IL6: variants seen among roughly 807,000 people sequenced by gnomAD.
The protein encoded by IL6 is interleukin 6, also known as interleukin-6.
Under a neutral mutation model 18.0 loss-of-function variants are expected in IL6, and 5 were observed. The observed-to-expected ratio is 0.28, with a 90% CI of 0.15 to 0.58. The LOEUF (loss-of-function observed/expected upper bound fraction) is 0.58, where lower values mean the gene tolerates loss of function less well. Among genes scored for constraint, IL6 ranks in the 20% least tolerant of loss-of-function variants. IL6 has a pLI of 0.90. For missense variants in IL6, 266 were observed against 251.0 expected (o/e 1.06, Z -0.40); for synonymous variants, 97 against 95.1 (o/e 1.02, Z -0.12).
intron 2 of IL6, among the ~76,000 whole-genome samples, chr7:22,728,173 A>T (rs1478725805): frequency 6.6e-6 from 1 of 152,172 alleles, no homozygotes; most frequent in Non-Finnish European, 1.5e-5. Flanking sequence ...TGGTAGAAAG[A>T]AAAGAACACA....
chr7:22,727,604 C>G lies in IL6; in HGVS notation c.180C>G (p.Ile60Met). The change falls in exon 2 of 5, where the codon ATC becomes ATG. Residue 60 changes from isoleucine to methionine, a missense_variant. Coordinates refer to ENST00000258743, the MANE Select transcript of IL6 (RefSeq NM_000600.5). Reference protein sequence around the residue: ...SERIDKQIRYILDGISALRKE... With the variant: ...SERIDKQIRYMLDGISALRKE... ...GAATTGACAAACAAATTCGGTACAT[C>G]CTCGACGGCATCTCAGCCCTGAGAA... The G allele has an allele frequency of 6.4e-7, 1 of 1,567,444 alleles. No homozygotes were observed. The highest frequency in any genetic ancestry group is 8.6e-7 in the Non-Finnish European group (1 of 1,157,474).
At position 22,727,517 on chromosome 7, in the gene IL6, C is replaced by A. The variant is rs1376742674; in HGVS notation, c.93C>A (p.Pro31=). Reference sequence around the variant, plus strand: ...CTGCTGCCTTCCCTGCCCCAGTACCCCCAGGAGAAGATTCCAAAGATGTAG... The same window carrying A: ...CTGCTGCCTTCCCTGCCCCAGTACCACCAGGAGAAGATTCCAAAGATGTAG... ...VLPAAFPAPV[P]PGEDSKDVAA... Residue 31 remains proline (P), a synonymous_variant, in exon 2 of 5, where the codon CCC becomes CCA. Transcript: ENST00000258743. 3 of 1,613,968 alleles carry A rather than the reference C, an allele frequency of 1.9e-6. No homozygotes were observed. The highest frequency in any genetic ancestry group is 1.6e-4 in the Middle Eastern group (1 of 6,062).
At chr7:22,727,393 C>T in intron 1 of IL6, 51 bp from the exon 2 acceptor site, 1 of 1,613,164 alleles carries the variant, frequency 6.2e-7, no homozygotes, top group Non-Finnish European at 8.5e-7. Context: ...CAGAGGCAGG[C>T]TCCCAGCTGT....
intron 3 of IL6, 76 bp downstream of exon 3, chr7:22,728,882 A>G: frequency 4.9e-6 from 4 of 813,160 alleles, no homozygotes; most frequent in East Asian, 5.2e-5. Flanking sequence ...GCCTGTATAC[A>G]TATAGATCCA....
chr7:22,731,506 C>G lies in IL6; in HGVS notation c.572C>G (p.Thr191Ser). ...AQNQWLQDMT[T>S]HLILRSFKEF... ...AACCAGTGGCTGCAGGACATGACAA[C>G]TCATCTCATTCTGCGCAGCTTTAAG... Residue 191 changes from threonine to serine, a missense_variant, in exon 5 of 5, where the codon ACT becomes AGT. Coordinates refer to ENST00000258743, the MANE Select transcript of IL6 (RefSeq NM_000600.5). The G allele has an allele frequency of 6.2e-7, 1 of 1,610,778 alleles. No individual in the cohort carries two copies. The highest frequency in any genetic ancestry group is 8.5e-7 in the Non-Finnish European group (1 of 1,177,490).
chr7:22,727,537 A>T lies in IL6; in HGVS notation c.113A>T (p.Asp38Val). Reference protein sequence around the residue: ...APVPPGEDSKDVAAPHRQPLT... With the variant: ...APVPPGEDSKVVAAPHRQPLT... ...GTACCCCCAGGAGAAGATTCCAAAG[A>T]TGTAGCCGCCCCACACAGACAGCCA... Residue 38 changes from aspartate (D) to valine (V), a missense_variant, in exon 2 of 5, where the codon GAT becomes GTT. Transcript: ENST00000258743. The T allele has an allele frequency of 6.2e-7, 1 of 1,613,354 alleles. No homozygotes were observed.
At position 22,729,678 on chromosome 7, in the gene IL6, C is replaced by T. The variant is rs201024011; in HGVS notation, c.471+18C>T. Reference sequence around the variant, plus strand: ...AGAAAAAGGTGGGTGTGTCCTCATTCCCTCAACTTGGTGTGGGGGAAGACA... The same window carrying T: ...AGAAAAAGGTGGGTGTGTCCTCATTTCCTCAACTTGGTGTGGGGGAAGACA... On this transcript the variant is annotated intron_variant, in intron 4 of 4. Transcript: ENST00000258743. The T allele has an allele frequency of 1.2e-4, 200 of 1,614,156 alleles. No homozygotes were observed. Among genetic ancestry groups the T allele is most frequent in the Non-Finnish European group, 1.6e-4 (188 of 1,180,026 alleles).
At chr7:22,731,353 C>A (rs1200574500) in intron 4 of IL6, 53 bp from the exon 5 acceptor site, 1 of 1,401,354 alleles carries the variant, frequency 7.1e-7, no homozygotes, top group Non-Finnish European at 9.7e-7. Context: ...CCCTCCACTG[C>A]AAAGGATTTA....
chr7:22,727,741 A>G, intron 2 of IL6, 107 bp downstream of exon 2: 3 of 1,282,222 alleles, frequency 2.3e-6, no homozygotes, highest in Non-Finnish European at 3.2e-6. Flanking sequence ...GCTGGGTTCT[A>G]GAGCACTGTA....
rs746737342 is a variant in IL6, at chr7:22,727,226, G to C, written c.-37G>C. The stretch of plus-strand genomic sequence containing the variant: ...TTCTGCCCTCGAGCCCACCGGGAAC[G>C]AAAGAGAAGCTCTATCTCCCCTCCA... On this transcript the variant is annotated 5_prime_UTR_variant, in exon 1 of 5. Transcript: ENST00000258743. The C allele has an allele frequency of 6.2e-7, 1 of 1,612,608 alleles. No homozygotes were observed. Among genetic ancestry groups the C allele is most frequent in the Non-Finnish European group, 8.5e-7 (1 of 1,179,806 alleles).
chr7:22,729,761 G>A (rs1361769822), intron 4 of IL6, 101 bp downstream of exon 4: 4 of 1,594,594 alleles, frequency 2.5e-6, no homozygotes, highest in Non-Finnish European at 3.4e-6. Context: ...CAAAAGAGAA[G>A]GCTACACGTA....
At chr7:22,730,328 T>C (rs1784102697) in intron 4 of IL6, 1 of 974,848 alleles carries the variant, frequency 1.0e-6, no homozygotes, top group African/African-American at 1.8e-5. Context: ...TGCATGGGAA[T>C]TCCCTGGGCA....
In IL6 at chr7:22,731,579, G is replaced by A. The variant is rs1194851132; in HGVS notation, c.*6G>A. On this transcript the variant is annotated 3_prime_UTR_variant, in exon 5 of 5. Transcript: ENST00000258743. ...GGGCTCTTCGGCAAATGTAGCATGG[G>A]CACCTCAGATTGTTGTTGTTAATGG... The A allele has an allele frequency of 6.3e-7, 1 of 1,584,172 alleles. No homozygotes were observed. The highest frequency in any genetic ancestry group is 8.6e-7 in the Non-Finnish European group (1 of 1,159,868).
chr7:22,729,132 C>G (rs1299917871), intron 3 of IL6, among the ~76,000 whole-genome samples: 1 of 152,246 alleles, frequency 6.6e-6, no homozygotes, highest in Non-Finnish European at 1.5e-5. Context: ...GGGTCCAGGT[C>G]TGCCCTCCCT....
intron 2 of IL6, 72 bp downstream of exon 2, chr7:22,727,706 G>A (rs2069858): frequency 0.014 from 21,342 of 1,499,842 alleles, 215 homozygotes; most frequent in Non-Finnish European, 0.018. Context: ...GTGTGGCCGG[G>A]GGCTGCCTGC....
intron 3 of IL6, 36 bp from the exon 4 acceptor site, chr7:22,729,478 G>C: frequency 6.3e-7 from 1 of 1,596,602 alleles, no homozygotes; most frequent in Non-Finnish European, 8.6e-7. Context: ...TCTATCTCCT[G>C]GCGATAACCA....
chr7:22,731,605 G>T lies in IL6; in HGVS notation c.*32G>T. On this transcript the variant is annotated 3_prime_UTR_variant, in exon 5 of 5. Transcript: ENST00000258743. ...CACCTCAGATTGTTGTTGTTAATGGGCATTCCTTCTTCTGGTCAGAAACCT... is the reference window on the plus strand; with the variant it reads ...CACCTCAGATTGTTGTTGTTAATGGTCATTCCTTCTTCTGGTCAGAAACCT... 4 of 1,527,198 alleles carry T rather than the reference G, an allele frequency of 2.6e-6. No homozygotes were observed. Among genetic ancestry groups the T allele is most frequent in the Non-Finnish European group, 3.6e-6 (4 of 1,123,802 alleles). 94.6% of individuals were successfully genotyped at this position (1,527,198 alleles called of 1,614,324 possible).
intron 1 of IL6, 71 bp from the exon 2 acceptor site, chr7:22,727,373 C>A (rs764525148): frequency 6.2e-7 from 1 of 1,613,024 alleles, no homozygotes; most frequent in Non-Finnish European, 8.5e-7. Flanking sequence ...GGCTGGCGGG[C>A]GGCCAGCAGC....
rs1784083057 is a variant in IL6 at position 22,729,521 on chromosome 7, G to C, written c.332G>C (p.Cys111Ser). The C allele has an allele frequency of 6.2e-7, 1 of 1,613,166 alleles. No individual in the cohort carries two copies. The highest frequency in any genetic ancestry group is 1.3e-5 in the African/African-American group (1 of 74,926). Residue 111 changes from cysteine (C) to serine (S), a missense_variant, in exon 4 of 5, where the codon TGC becomes TCC. By Grantham distance (112) the Cys-to-Ser change is moderately radical. Coordinates refer to ENST00000258743, the MANE Select transcript of IL6 (RefSeq NM_000600.5). The stretch of plus-strand genomic sequence containing the variant: ...CACCATCTTTCCTCTTAGGAGACTT[G>C]CCTGGTGAAAATCATCACTGGTCTT... ...CFQSGFNEET[C>S]LVKIITGLLE...
Sources: allele counts gnomAD v4.1 joint callset (sites outside exome capture counted in the v4.1 genomes callset), GRCh38; gene constraint gnomAD v4.1.1; transcripts MANE v1.5; gene names NCBI Gene and HGNC (gene_info 2026-07-23, HGNC 2026-07-21).